The following SLC26A4 variants were observed in gnomAD, a reference collection of about 807,000 sequenced individuals.
SLC26A4 encodes the protein pendrin.
SLC26A4 carries 93 observed loss-of-function variants against 90.4 expected under a neutral mutation model. The observed-to-expected ratio is 1.03, with a 90% CI of 0.87 to 1.22. The LOEUF (loss-of-function observed/expected upper bound fraction) is 1.22. SLC26A4 is among the 50% of genes most tolerant of loss of function. The probability of loss-of-function intolerance (pLI) is 0.00; values close to 1 mark genes in which losing one functional copy is unlikely to be tolerated. For missense variants in SLC26A4, 1,127 were observed against 946.2 expected, an observed-to-expected ratio of 1.19 and a Z score of -2.51; for synonymous variants, 393 against 354.6, an observed-to-expected ratio of 1.11 and a Z score of -1.22.
intron 8 of SLC26A4, among the ~76,000 whole-genome samples, chr7:107,685,894 G>A (rs1031842954): frequency 5.9e-5 from 9 of 151,500 alleles, no homozygotes; most frequent in Admixed American, 3.9e-4. Flanking sequence ...GTGTGCTCAC[G>A]CACGTGTATG....
chr7:107,714,918 A>G (rs1433665527), intron 20 of SLC26A4, among the ~76,000 whole-genome samples: 7 of 151,990 alleles, frequency 4.6e-5, no homozygotes, highest in African/African-American at 1.2e-4. Flanking sequence ...TCTTAAATAA[A>G]TCCAATTAAA....
chr7:107,689,107 A>G lies in SLC26A4; in HGVS notation c.1056A>G (p.Ala352=), dbSNP rs1287490916. 1.2e-6 allele frequency: 2 copies of G among 1,613,884 alleles called. No homozygotes were observed. The highest frequency in any genetic ancestry group is 1.7e-6 in the Non-Finnish European group (2 of 1,179,890). ...GCTTGTTCTCGGAGATGCTGGCTGC[A>G]TCATTTTCCATCGCTGTGGTGGCTT... ...PVSLFSEMLA[A]SFSIAVVAYA... The change falls in exon 9 of 21, where the codon GCA becomes GCG. Residue 352 remains alanine, a synonymous_variant. Coordinates refer to ENST00000644269, the MANE Select transcript of SLC26A4 (RefSeq NM_000441.2).
chr7:107,702,148 T>A (rs1267763173), intron 17 of SLC26A4, 91 bp downstream of exon 17: 3 of 824,514 alleles, frequency 3.6e-6, no homozygotes, highest in Non-Finnish European at 4.2e-6. Context: ...GGCAAATACA[T>A]GGGCTTTGTA....
chr7:107,704,639 T>G (rs1791991339), intron 18 of SLC26A4, among the ~76,000 whole-genome samples: 1 of 151,894 alleles, frequency 6.6e-6, no homozygotes, highest in Admixed American at 6.6e-5. Flanking sequence ...CAACAAAGAG[T>G]ATATTAGTCC....
chr7:107,679,869 C>CTTATTATATTATATAATA (rs71134279), intron 6 of SLC26A4, among the ~76,000 whole-genome samples: 1 of 129,448 alleles, frequency 7.7e-6, no homozygotes, highest in Non-Finnish European at 1.6e-5. Flanking sequence ...ATTATATAAT[C>CTTATTATATTATATAATA]TTATATTATA....
intron 8 of SLC26A4, among the ~76,000 whole-genome samples, chr7:107,685,149 T>C (rs901862626): frequency 6.6e-6 from 1 of 152,148 alleles, no homozygotes; most frequent in African/African-American, 2.4e-5. Flanking sequence ...AGTGACCCCA[T>C]TGGTGTTGTT....
chr7:107,702,388 G>A (rs142710733), intron 17 of SLC26A4, among the ~76,000 whole-genome samples: 7 of 152,260 alleles, frequency 4.6e-5, no homozygotes, highest in African/African-American at 1.4e-4. Context: ...GATATAAGGT[G>A]TTTAGAAGAG....
intron 6 of SLC26A4, 134 bp downstream of exon 6, chr7:107,675,243 A>G: frequency 3.0e-6 from 2 of 667,052 alleles, no homozygotes; most frequent in Non-Finnish European, 2.7e-6. Flanking sequence ...AGGTGGGCAG[A>G]TTGCTTGAGC....
chr7:107,694,209 A>G (rs1562835263), intron 10 of SLC26A4, among the ~76,000 whole-genome samples, 194 bp from the exon 11 acceptor site: 1 of 152,208 alleles, frequency 6.6e-6, no homozygotes, highest in Non-Finnish European at 1.5e-5. Context: ...CATAGCATAT[A>G]TAGATGCCAT....
chr7:107,666,543 A>G (rs1161258541), intron 3 of SLC26A4, among the ~76,000 whole-genome samples: 4 of 152,136 alleles, frequency 2.6e-5, no homozygotes, highest in Non-Finnish European at 5.9e-5. Context: ...TCTATTTTAG[A>G]TATAATGGTC....
intron 10 of SLC26A4, among the ~76,000 whole-genome samples, chr7:107,690,792 C>T (rs901887949): frequency 3.9e-5 from 6 of 152,018 alleles, no homozygotes; most frequent in Admixed American, 6.6e-5. Flanking sequence ...TGGGTTTAAT[C>T]TTATCTTTTA....
At position 107,674,334 on chromosome 7, in the gene SLC26A4, G is replaced by A; in HGVS notation, c.586G>A (p.Val196Ile). Residue 196 changes from valine to isoleucine, a missense_variant, in exon 5 of 21, where the codon GTT (valine) becomes ATT (isoleucine). Coordinates refer to ENST00000644269, the MANE Select transcript of SLC26A4 (RefSeq NM_000441.2). The stretch of plus-strand genomic sequence containing the variant: ...GATTGCCAGTGCCCTGACTCTGCTG[G>A]TTGGAATTATACAGGTAATGAACTT... Reference protein sequence around the residue: ...VLIASALTLLVGIIQLIFGGL... With the variant: ...VLIASALTLLIGIIQLIFGGL... The A allele has an allele frequency of 6.2e-7, 1 of 1,612,552 alleles. No homozygotes were observed. Among genetic ancestry groups the A allele is most frequent in the South Asian group, 1.1e-5 (1 of 91,054 alleles).
Position 107,661,468 on chromosome 7 carries a change from T to G in SLC26A4, c.-3-171T>G. The G allele has an allele frequency of 1.4e-6, 1 of 735,068 alleles. No individual in the cohort carries two copies. The highest frequency in any genetic ancestry group is 2.3e-6 in the Non-Finnish European group (1 of 441,752). The allele number at this position is 735,068 out of a possible 1,614,324, so 45.5% of individuals were successfully genotyped here. On this transcript the variant is annotated intron_variant, in intron 1 of 20. Transcript: ENST00000644269. This position sits in a 1 kb window ranked among gnomAD's most constrained non-coding sequence, Gnocchi z 5.1. ...CCCTGCAGGCTGGCCGTGCGCGCCG[T>G]GGGGCGCTTGTCGCGAGCGCCGAGG...
intron 3 of SLC26A4, among the ~76,000 whole-genome samples, chr7:107,665,230 T>G (rs1175592755): frequency 6.6e-6 from 1 of 152,196 alleles, no homozygotes; most frequent in East Asian, 1.9e-4. Flanking sequence ...TAATGAATGT[T>G]GAGCAATATT....
At chr7:107,664,443 G>A (rs895483387) in intron 3 of SLC26A4, among the ~76,000 whole-genome samples, 3 of 152,000 alleles carry the variant, frequency 2.0e-5, no homozygotes, top group African/African-American at 4.8e-5. Flanking sequence ...TGTTGGCCAG[G>A]GTGGTCTGGA....
intron 3 of SLC26A4, among the ~76,000 whole-genome samples, chr7:107,664,436 T>C (rs1227966125): frequency 2.6e-5 from 4 of 152,200 alleles, no homozygotes; most frequent in Non-Finnish European, 5.9e-5. Context: ...TTCGCCATGT[T>C]GGCCAGGGTG....
intron 12 of SLC26A4, 112 bp downstream of exon 12, chr7:107,694,828 TC>T: frequency 1.3e-6 from 1 of 771,690 alleles, no homozygotes; most frequent in Middle Eastern, 2.3e-4. Context: ...CTTTGGGAAC[TC>T]CAGAGGAGAA....
At chr7:107,682,130 A>AAAAAAG (rs1491372077) in intron 6 of SLC26A4, among the ~76,000 whole-genome samples, 1 of 73,410 alleles carries the variant, frequency 1.4e-5, no homozygotes, top group African/African-American at 5.0e-5. Context: ...AAAAAAAAAA[A>AAAAAAG]TTTTTTTTAT....
At chr7:107,690,086 C>A in intron 9 of SLC26A4, 38 bp from the exon 10 acceptor site, 1 of 1,197,628 alleles carries the variant, frequency 8.3e-7, no homozygotes. Context: ...TGCAAAGATT[C>A]AATTTGTAGG....
Sources: gnomAD v4.1 joint callset for allele counts (sites outside exome capture counted in the v4.1 genomes callset) on GRCh38, gnomAD v4.1.1 for gene constraint, Gnocchi (gnomAD v3.1) non-coding constraint, MANE v1.5 for transcripts, NCBI Gene and HGNC (gene_info 2026-07-23, HGNC 2026-07-21) for gene names.